The following CBFA2T2 variants were observed in gnomAD, a reference collection of about 807,000 sequenced individuals.
CBFA2T2 encodes CBFA2/RUNX1 partner transcriptional co-repressor 2, also known as protein CBFA2T2.
In CBFA2T2, 11 loss-of-function variants were observed where a neutral mutation model predicts 62.2. That is an observed-to-expected ratio of 0.18 (90% CI 0.11 to 0.29). The LOEUF (loss-of-function observed/expected upper bound fraction) is 0.29. Among genes scored for constraint, CBFA2T2 ranks in the 10% least tolerant of loss-of-function variants. CBFA2T2 has a pLI of 1.00. For synonymous variants in CBFA2T2, 295 were observed against 287.5 expected, an observed-to-expected ratio of 1.03 and a Z score of -0.27; for missense variants, 592 against 774.1, an observed-to-expected ratio of 0.76 and a Z score of 2.79.
chr20:33,494,733 G>T (rs1044201669), intron 1 of CBFA2T2, among the ~76,000 whole-genome samples: 1 of 151,808 alleles, frequency 6.6e-6, no homozygotes, highest in African/African-American at 2.4e-5. Context: ...CAAATAGCTG[G>T]GATTACAGGC....
At chr20:33,568,117 T>G (rs561641889) in intron 1 of CBFA2T2, among the ~76,000 whole-genome samples, 2 of 152,300 alleles carry the variant, frequency 1.3e-5, no homozygotes, top group African/African-American at 4.8e-5. Flanking sequence ...ATAAGCTGAT[T>G]TAACCTTCAC....
At chr20:33,547,282 T>C (rs1482895522) in intron 1 of CBFA2T2, among the ~76,000 whole-genome samples, 1 of 152,190 alleles carries the variant, frequency 6.6e-6, no homozygotes, top group Non-Finnish European at 1.5e-5. Flanking sequence ...ATCCCAGCTA[T>C]ACCTTTGAAG....
chr20:33,555,658 C>T (rs545500184), intron 1 of CBFA2T2, among the ~76,000 whole-genome samples: 79 of 152,114 alleles, frequency 5.2e-4, no homozygotes, highest in Non-Finnish European at 9.3e-4. Flanking sequence ...TACATAACCA[C>T]ACATAACCAC....
chr20:33,505,626 A>G (rs1171063938), intron 1 of CBFA2T2, among the ~76,000 whole-genome samples: 1 of 152,102 alleles, frequency 6.6e-6, no homozygotes, highest in Non-Finnish European at 1.5e-5. Flanking sequence ...TGCTGAAAAT[A>G]CAAAATTAGC....
intron 1 of CBFA2T2, among the ~76,000 whole-genome samples, chr20:33,545,867 G>C (rs573742360): frequency 1.3e-5 from 2 of 152,194 alleles, no homozygotes; most frequent in African/African-American, 4.8e-5. Context: ...CAGTGTTGAA[G>C]CAAATGTAAA....
At chr20:33,603,407 G>A (rs1036059284) in intron 1 of CBFA2T2, among the ~76,000 whole-genome samples, 1 of 152,160 alleles carries the variant, frequency 6.6e-6, no homozygotes, top group African/African-American at 2.4e-5. Flanking sequence ...CATGGTTTAG[G>A]TGTTGAACCA....
intron 1 of CBFA2T2, among the ~76,000 whole-genome samples, chr20:33,527,365 C>G (rs1420874661): frequency 1.6e-5 from 2 of 124,620 alleles, no homozygotes; most frequent in East Asian, 5.0e-4. Context: ...CCAGGCCCGA[C>G]TGATTTTTTT....
intron 1 of CBFA2T2, among the ~76,000 whole-genome samples, chr20:33,579,571 T>G (rs946676351): frequency 1.3e-5 from 2 of 151,170 alleles, no homozygotes; most frequent in Non-Finnish European, 2.9e-5. Context: ...TTTTTTTTTT[T>G]GTATGGAGTG....
In CBFA2T2 at chr20:33,622,963, T is replaced by G. The variant is rs2016048763; in HGVS notation, c.511-152T>G. On this transcript the variant is annotated intron_variant, in intron 4 of 10. Transcript: ENST00000342704. Reference sequence around the variant, plus strand: ...AGTAATTCAAGTGCAGTATAAGAGATATCATTGACTCACAGAAGAAGCATT... The same window carrying G: ...AGTAATTCAAGTGCAGTATAAGAGAGATCATTGACTCACAGAAGAAGCATT... 9.0e-6 allele frequency: 6 copies of G among 667,496 alleles called. No individual in the cohort carries two copies. The South Asian group carries it at 9.5e-5, about 11-fold the overall frequency. The allele number at this position is 667,496 out of a possible 1,614,324, so 41.3% of individuals were successfully genotyped here. A position where few individuals can be genotyped will look rare whatever the true frequency, so the allele number is the denominator to read the frequency against.
At position 33,629,904 on chromosome 20, in the gene CBFA2T2, T is replaced by C; in HGVS notation, c.1218T>C (p.Ser406=). 1 of 1,612,296 alleles carries C rather than the reference T, an allele frequency of 6.2e-7. No homozygotes were observed. Among genetic ancestry groups the C allele is most frequent in the Non-Finnish European group, 8.5e-7 (1 of 1,179,404 alleles). ...AGCACAGCCCTGGGAGTGCAGATTCTCTCAGCAATGGTAAGGGGAGAGTCT... is the reference window on the plus strand; with the variant it reads ...AGCACAGCCCTGGGAGTGCAGATTCCCTCAGCAATGGTAAGGGGAGAGTCT... ...SRQHSPGSAD[S]LSNDSQREFN... The change falls in exon 8 of 11, where the codon TCT becomes TCC. Residue 406 remains serine, a synonymous_variant. Coordinates refer to ENST00000342704, the MANE Select transcript of CBFA2T2 (RefSeq NM_001032999.3).
intron 8 of CBFA2T2, among the ~76,000 whole-genome samples, chr20:33,635,821 G>C (rs1290230579): frequency 1.3e-5 from 2 of 152,130 alleles, no homozygotes; most frequent in Non-Finnish European, 2.9e-5. Context: ...GGTGCAGTGA[G>C]CCAGTGATCA....
intron 1 of CBFA2T2, among the ~76,000 whole-genome samples, chr20:33,544,945 C>CAGAACAGAACAGAAT (rs1215816057): frequency 7.6e-6 from 1 of 130,898 alleles, no homozygotes; most frequent in African/African-American, 3.1e-5. Flanking sequence ...TAGAATAGAA[C>CAGAACAGAACAGAAT]AGAATAGAAT....
rs1568851602 is a variant in CBFA2T2 at position 33,611,287 on chromosome 20, C to T, written c.372C>T (p.Ile124=). The change falls in exon 3 of 11, where the codon ATC becomes ATT. Residue 124 remains isoleucine (I), a synonymous_variant. Transcript: ENST00000342704. The stretch of plus-strand genomic sequence containing the variant: ...CTCTGCAACAGTTTGGCAATGACAT[C>T]TCCCCTGAGATTGGGGAGAAGGTGC... The part of the protein sequence containing the change: ...LTTLQQFGND[I]SPEIGEKVRT... 6.2e-7 allele frequency: 1 copy of T among 1,614,202 alleles called. No homozygotes were observed. The highest frequency in any genetic ancestry group is 1.7e-5 in the Admixed American group (1 of 60,016).
At chr20:33,556,201 C>A (rs889264328) in intron 1 of CBFA2T2, among the ~76,000 whole-genome samples, 2 of 152,172 alleles carry the variant, frequency 1.3e-5, no homozygotes, top group African/African-American at 4.8e-5. Flanking sequence ...CTTCAGCCTG[C>A]CTGCCTCCTC....
At chr20:33,547,015 G>C (rs1054834381) in intron 1 of CBFA2T2, among the ~76,000 whole-genome samples, 2 of 151,348 alleles carry the variant, frequency 1.3e-5, no homozygotes, top group African/African-American at 2.4e-5. Context: ...AGCCTGACCA[G>C]CATGGTGAAG....
chr20:33,622,893 C>G (rs777292163), intron 4 of CBFA2T2, among the ~76,000 whole-genome samples: 21 of 152,202 alleles, frequency 1.4e-4, no homozygotes, highest in Non-Finnish European at 2.9e-4. Flanking sequence ...ACAATCTCTT[C>G]CTTAAGCATA....
intron 1 of CBFA2T2, among the ~76,000 whole-genome samples, chr20:33,492,588 C>G (rs1470537103): frequency 1.3e-5 from 2 of 152,006 alleles, no homozygotes; most frequent in Non-Finnish European, 2.9e-5. Context: ...CATCATGGCC[C>G]ACAGCAGCCT....
intron 1 of CBFA2T2, among the ~76,000 whole-genome samples, chr20:33,603,871 A>G (rs924897333): frequency 2.0e-5 from 3 of 152,222 alleles, no homozygotes; most frequent in African/African-American, 7.2e-5. Context: ...AAGGCATGTC[A>G]TAGCCTTCTT....
chr20:33,514,010 C>T (rs2011555285), intron 1 of CBFA2T2, among the ~76,000 whole-genome samples: 1 of 149,032 alleles, frequency 6.7e-6, no homozygotes, highest in South Asian at 2.1e-4. Context: ...CAGCAATTCT[C>T]CTACCTCAGC....
Sources: gnomAD v4.1 joint callset for allele counts (sites outside exome capture counted in the v4.1 genomes callset) on GRCh38, gnomAD v4.1.1 for gene constraint, MANE v1.5 for transcripts, NCBI Gene and HGNC (gene_info 2026-07-23, HGNC 2026-07-21) for gene names.